Variants in ANK2 observed in about 807,000 individuals in gnomAD.
ANK2 encodes the protein ankyrin 2, also known as ankyrin-2.
A neutral mutation model predicts 360.5 loss-of-function variants in ANK2; 83 were observed. The ratio of observed to expected loss-of-function variants is 0.23; its 90% CI spans 0.19 to 0.28. The LOEUF (loss-of-function observed/expected upper bound fraction) is 0.28. Among genes scored for constraint, ANK2 ranks in the 10% least tolerant of loss-of-function variants. The probability of loss-of-function intolerance (pLI) is 1.00; values close to 1 mark genes in which losing one functional copy is unlikely to be tolerated. For synonymous variants in ANK2, 1,740 were observed against 1,759.5 expected (o/e 0.99, Z 0.28); for missense variants, 4,201 against 4,795.7 (o/e 0.88, Z 3.66).
chr4:112,798,999 AACC>A, the ANK2 span, among the ~76,000 whole-genome samples: 1 of 152,278 alleles, frequency 6.6e-6, no homozygotes, highest in Admixed American at 6.5e-5. Flanking sequence ...AGTCCCTGGC[AACC>A]ACCATTTGCT....
chr4:113,343,052 C>T lies in ANK2; in HGVS notation c.4158C>T (p.Phe1386=), dbSNP rs567608851. Residue 1386 remains phenylalanine, a synonymous_variant, in exon 34 of 46, where the codon TTC becomes TTT. Transcript: ENST00000357077. ...GAAAACCCATCTACGTTGATTGTTT[C>T]GGCAACTTGGTACCATTAACTAAAA... ...LEGKPIYVDC[F]GNLVPLTKSG... The T allele has an allele frequency of 1.2e-5, 20 of 1,613,932 alleles. No homozygotes were observed. Among genetic ancestry groups the T allele is most frequent in the African/African-American group, 5.3e-5 (4 of 75,048 alleles).
At chr4:112,740,652 A>T in the ANK2 span, among the ~76,000 whole-genome samples, 1 of 151,894 alleles carries the variant, frequency 6.6e-6, no homozygotes, top group Non-Finnish European at 1.5e-5. Context: ...CAGTGAGCCG[A>T]GATCTTGGCA....
At chr4:113,000,562 T>C (rs1215415496) in intron 2 of ANK2, among the ~76,000 whole-genome samples, 5 of 152,130 alleles carry the variant, frequency 3.3e-5, no homozygotes, top group Non-Finnish European at 7.3e-5. Flanking sequence ...CAAATGTGTT[T>C]ATGGAGGAAG....
At chr4:113,167,343 C>T (rs2097783680) in intron 1 of ANK2, among the ~76,000 whole-genome samples, 1 of 151,288 alleles carries the variant, frequency 6.6e-6, no homozygotes, top group African/African-American at 2.4e-5. Context: ...CTCTTGTTGC[C>T]CAGGCTGGAG....
chr4:113,152,065 CAA>C (rs1232657248), intron 1 of ANK2, among the ~76,000 whole-genome samples: 2 of 62,316 alleles, frequency 3.2e-5, no homozygotes, highest in African/African-American at 6.9e-5. Flanking sequence ...GTCTCTGTCT[CAA>C]AAAAAAAAAA....
intron 1 of ANK2, among the ~76,000 whole-genome samples, chr4:113,136,534 T>G (rs2154381756): frequency 6.6e-6 from 1 of 152,026 alleles, no homozygotes; most frequent in East Asian, 1.9e-4. Flanking sequence ...ATACAAAAAT[T>G]AGCCAGGTGT....
intron 26 of ANK2, among the ~76,000 whole-genome samples, chr4:113,323,220 C>T (rs920370626): frequency 2.0e-5 from 3 of 152,012 alleles, no homozygotes; most frequent in African/African-American, 4.8e-5. Flanking sequence ...ACTTTGTTTG[C>T]ATAGCTTTTT....
intron 1 of ANK2, among the ~76,000 whole-genome samples, chr4:112,858,204 T>C (rs575081777): frequency 6.6e-5 from 10 of 150,954 alleles, no homozygotes; most frequent in Non-Finnish European, 1.5e-4. Context: ...AAGTTTTTTT[T>C]TGAGTATAAA....
intron 1 of ANK2, among the ~76,000 whole-genome samples, chr4:112,882,908 T>TATGTCACCAGGCTG (rs2077108765): frequency 1.3e-5 from 2 of 150,804 alleles, no homozygotes; most frequent in East Asian, 3.9e-4. Context: ...GAGTGCACAC[T>TATGTCACCAGGCTG]ATGTCACCAG....
intron 2 of ANK2, among the ~76,000 whole-genome samples, chr4:112,993,225 G>A (rs191796592): frequency 1.2e-4 from 19 of 152,232 alleles, no homozygotes; most frequent in Admixed American, 3.3e-4. Flanking sequence ...TCGAGGCTAC[G>A]GTGAGCCATG....
chr4:113,353,499 A>G lies in ANK2; in HGVS notation c.4881A>G (p.Gly1627=). 1 of 1,614,102 alleles carries G rather than the reference A, an allele frequency of 6.2e-7. No individual in the cohort carries two copies. Among genetic ancestry groups the G allele is most frequent in the Non-Finnish European group, 8.5e-7 (1 of 1,179,972 alleles). ...VEVRIDKEIK[G]KVEKDSTGLV... ...TTAGAATAGATAAAGAGATCAAAGG[A>G]AAAGTAGAGAAAGACTCAACTGGGC... Residue 1627 remains glycine, a synonymous_variant, in exon 38 of 46, where the codon GGA becomes GGG. Coordinates refer to ENST00000357077, the MANE Select transcript of ANK2 (RefSeq NM_001148.6).
Position 113,357,878 on chromosome 4 carries a change from C to T in ANK2, c.9260C>T (p.Thr3087Ile), listed in dbSNP as rs2154028671. 2 of 1,614,056 alleles carry T rather than the reference C, an allele frequency of 1.2e-6. No individual in the cohort carries two copies. The highest frequency in any genetic ancestry group is 1.7e-6 in the Non-Finnish European group (2 of 1,179,978). The part of the protein sequence containing the change: ...GTTPDTTPAR[T>I]PTEEGTPTSE... ...ACCCCTGACACCACTCCTGCTAGGA[C>T]CCCAACTGAAGAGGGGACCCCAACA... The change falls in exon 38 of 46, where the codon ACC becomes ATC. Residue 3087 changes from threonine (T) to isoleucine (I), a missense_variant. Coordinates refer to ENST00000357077, the MANE Select transcript of ANK2 (RefSeq NM_001148.6).
chr4:113,274,744 C>T lies in ANK2; in HGVS notation c.1683+95C>T. On this transcript the variant is annotated intron_variant, in intron 15 of 45. Transcript: ENST00000357077. ...CATACAGAATCAAGAGGGTAGATCT[C>T]CTCAGGCCTTGACTTACTTCCTTCT... 3.0e-6 allele frequency: 4 copies of T among 1,335,790 alleles called. No individual in the cohort carries two copies. The South Asian group carries it at 3.7e-5, about 12-fold the overall frequency. 82.7% of individuals were successfully genotyped at this position (1,335,790 alleles called of 1,614,324 possible).
chr4:112,950,130 G>C (rs867062075), intron 2 of ANK2, among the ~76,000 whole-genome samples: 7 of 151,988 alleles, frequency 4.6e-5, no homozygotes, highest in African/African-American at 1.7e-4. Flanking sequence ...CCTCATCTCT[G>C]TAACTCCATG....
At chr4:113,338,296 GA>G (rs2093811480) in intron 31 of ANK2, among the ~76,000 whole-genome samples, 1 of 152,022 alleles carries the variant, frequency 6.6e-6, no homozygotes, top group Non-Finnish European at 1.5e-5. Context: ...TTATCTATGT[GA>G]TCTTAATTTC....
chr4:113,164,331 C>T (rs976072043), intron 1 of ANK2, among the ~76,000 whole-genome samples: 4 of 152,166 alleles, frequency 2.6e-5, no homozygotes, highest in Non-Finnish European at 5.9e-5. Context: ...ACACTAAGAT[C>T]AACAGTGTGA....
At position 113,299,898 on chromosome 4, in the gene ANK2, C is replaced by T. The variant is rs561151522; in HGVS notation, c.2476-2869C>T. On this transcript the variant is annotated intron_variant, in intron 22 of 45. Coordinates refer to ENST00000357077, the MANE Select transcript of ANK2 (RefSeq NM_001148.6). ...CCCTGGTCCCCATTATAGCTGGGCC[C>T]GATCCCTATGGATTTTGATTTAATT... Among the ~76,000 whole-genome samples the T allele has an allele frequency of 2.6e-5, 4 of 152,050 alleles. No individual in the cohort carries two copies. The East Asian group carries it at 5.8e-4, about 22-fold the overall frequency.
chr4:113,268,195 A>G (rs1207091062), intron 14 of ANK2, among the ~76,000 whole-genome samples: 2 of 152,168 alleles, frequency 1.3e-5, no homozygotes, highest in East Asian at 1.9e-4. Flanking sequence ...GTCATTTGCA[A>G]ACAGAGACAA....
At chr4:112,800,814 C>T in the ANK2 span, among the ~76,000 whole-genome samples, 1 of 152,084 alleles carries the variant, frequency 6.6e-6, no homozygotes, top group Non-Finnish European at 1.5e-5. Context: ...GCCAATGCAG[C>T]GAGCTAATTT....
Sources: allele counts gnomAD v4.1 joint callset (sites outside exome capture counted in the v4.1 genomes callset), GRCh38; gene constraint gnomAD v4.1.1; transcripts MANE v1.5; gene names NCBI Gene and HGNC (gene_info 2026-07-23, HGNC 2026-07-21).